Variants in DGCR2 observed in about 807,000 individuals in gnomAD.
The protein encoded by DGCR2 is DiGeorge syndrome critical region gene 2, also known as integral membrane protein DGCR2/IDD.
DGCR2 carries 24 observed loss-of-function variants against 51.6 expected under a neutral mutation model. That is an observed-to-expected ratio of 0.47 (90% CI 0.34 to 0.65). The LOEUF is 0.65. Ranked by LOEUF, DGCR2 falls within the 30% of genes least tolerant of loss-of-function variation. DGCR2 has a pLI of 0.01. For synonymous variants in DGCR2, 340 were observed against 315.4 expected (o/e 1.08, Z -0.82); for missense variants, 765 against 772.1 (o/e 0.99, Z 0.11).
chr22:19,088,106 G>A (rs1344552389), intron 2 of DGCR2, among the ~76,000 whole-genome samples: 2 of 152,124 alleles, frequency 1.3e-5, no homozygotes, highest in Admixed American at 1.3e-4. Context: ...CTAATACCCT[G>A]GTTGGAATGA....
chr22:19,044,566 G>A (rs1019077080), intron 7 of DGCR2, among the ~76,000 whole-genome samples: 10 of 152,214 alleles, frequency 6.6e-5, no homozygotes, highest in African/African-American at 2.2e-4. Flanking sequence ...GAACCTCATC[G>A]TATCAGGGCT....
intron 5 of DGCR2, among the ~76,000 whole-genome samples, chr22:19,062,775 G>GCTCTCTCTCT (rs1491258740): frequency 1.2e-4 from 13 of 108,950 alleles, no homozygotes; most frequent in East Asian, 2.9e-4. Flanking sequence ...ACACATGCAT[G>GCTCTCTCTCT]CTCACTCTCT....
At position 19,122,192 on chromosome 22, in the gene DGCR2, T is replaced by C. The variant is rs771968686; in HGVS notation, c.15A>G (p.Ala5=). Residue 5 remains alanine, a synonymous_variant, in exon 1 of 10, where the codon GCA becomes GCG. Coordinates refer to ENST00000263196, the MANE Select transcript of DGCR2 (RefSeq NM_005137.3). ...AGAGCAGCAGGAAGGCGCCGCTGTC[T>C]GCCTTGGGCACCATTTATCCTCCGT... MVPK[A]DSGAFLLLFL... 1.3e-6 allele frequency: 2 copies of C among 1,509,342 alleles called. No homozygotes were observed. The highest frequency in any genetic ancestry group is 2.2e-5 in the Admixed American group (1 of 46,458). The allele number at this position is 1,509,342 out of a possible 1,614,324, so 93.5% of individuals were successfully genotyped here. A position where few individuals can be genotyped will look rare whatever the true frequency, so the allele number is the denominator to read the frequency against.
chr22:19,040,903 G>A (rs918246658), intron 9 of DGCR2, among the ~76,000 whole-genome samples, 155 bp downstream of exon 9: 5 of 152,310 alleles, frequency 3.3e-5, no homozygotes, highest in South Asian at 2.1e-4. Flanking sequence ...CCTTCTGCAC[G>A]GGCAGCCCCA....
chr22:19,057,152 C>G lies in DGCR2; in HGVS notation c.636G>C (p.Glu212Asp), dbSNP rs551345973. 1 of 1,604,412 alleles carries G rather than the reference C, an allele frequency of 6.2e-7. No individual in the cohort carries two copies. The highest frequency in any genetic ancestry group is 8.5e-7 in the Non-Finnish European group (1 of 1,175,598). The part of the protein sequence containing the change: ...RWEVAFKGSS[E>D]VFLPPDPIFA... Reference sequence around the variant, plus strand: ...AGATGGGGTCTGGGGGCAGGAACACCTCTGAAGAGCCTGTTGGGGAGACAA... The same window carrying G: ...AGATGGGGTCTGGGGGCAGGAACACGTCTGAAGAGCCTGTTGGGGAGACAA... Residue 212 changes from glutamate to aspartate, a missense_variant, in exon 6 of 10, where the codon GAG becomes GAC. This residue lies in a region of DGCR2 where 370 missense variants were observed against 325.5 expected (regional missense o/e 1.14). Coordinates refer to ENST00000263196, the MANE Select transcript of DGCR2 (RefSeq NM_005137.3). This position sits in a 1 kb window ranked among gnomAD's most constrained non-coding sequence, Gnocchi z 5.1.
intron 2 of DGCR2, among the ~76,000 whole-genome samples, chr22:19,074,154 G>A (rs2145984255): frequency 6.6e-6 from 1 of 152,294 alleles, no homozygotes; most frequent in Non-Finnish European, 1.5e-5. Context: ...GGCTCGGCAC[G>A]GTGGCTCACG....
intron 6 of DGCR2, among the ~76,000 whole-genome samples, chr22:19,051,759 C>T (rs185065207): frequency 2.3e-3 from 349 of 152,128 alleles, no homozygotes; most frequent in African/African-American, 8.1e-3. Flanking sequence ...AAAGAGAAAA[C>T]GGAAGAATAA....
chr22:19,077,325 A>C (rs1256729242), intron 2 of DGCR2, among the ~76,000 whole-genome samples: 1 of 152,238 alleles, frequency 6.6e-6, no homozygotes, highest in Non-Finnish European at 1.5e-5. Context: ...TTAAGGTCTT[A>C]AATTTAAGCC....
Position 19,122,395 on chromosome 22 carries a change from T to C in DGCR2, c.-189A>G. The C allele has an allele frequency of 2.4e-6, 1 of 424,632 alleles. No individual in the cohort carries two copies. The highest frequency in any genetic ancestry group is 4.1e-6 in the Non-Finnish European group (1 of 241,238). 26.3% of individuals were successfully genotyped at this position (424,632 alleles called of 1,614,324 possible). A position where few individuals can be genotyped will look rare whatever the true frequency, so the allele number is the denominator to read the frequency against. On this transcript the variant is annotated 5_prime_UTR_variant, in exon 1 of 10. Coordinates refer to ENST00000263196, the MANE Select transcript of DGCR2 (RefSeq NM_005137.3). ...CTCGGCTGCAACCTCAGGCACCGAC[T>C]CCAGCTGCGCGCAAGATGGCGGCCG...
intron 2 of DGCR2, among the ~76,000 whole-genome samples, chr22:19,074,159 C>T (rs566431998): frequency 6.6e-6 from 1 of 152,258 alleles, no homozygotes; most frequent in African/African-American, 2.4e-5. Context: ...GGCACGGTGG[C>T]TCACGTCTGT....
intron 7 of DGCR2, chr22:19,046,835 T>TG (rs2082495432): frequency 2.9e-6 from 1 of 344,332 alleles, no homozygotes; most frequent in African/African-American, 2.1e-5. Flanking sequence ...AAGAAGTCCT[T>TG]GGGGCTGGGC....
chr22:19,076,723 C>CTTTTTTT (rs1228247995), intron 2 of DGCR2, among the ~76,000 whole-genome samples: 3 of 118,778 alleles, frequency 2.5e-5, no homozygotes, highest in African/African-American at 3.2e-5. Context: ...GTCCTTTGCA[C>CTTTTTTT]ATTTTTTTTT....
chr22:19,061,168 C>T, intron 5 of DGCR2: 1 of 222,512 alleles, frequency 4.5e-6, no homozygotes, highest in Non-Finnish European at 9.1e-6. Flanking sequence ...ACCTCAGACC[C>T]CAATGACCCC....
At chr22:19,088,533 G>C (rs2083043072) in intron 2 of DGCR2, among the ~76,000 whole-genome samples, 1 of 152,206 alleles carries the variant, frequency 6.6e-6, no homozygotes. Flanking sequence ...GATAAATCAG[G>C]TTGGCAAAGC....
chr22:19,103,701 T>A (rs1467058106), intron 1 of DGCR2, among the ~76,000 whole-genome samples: 2 of 138,302 alleles, frequency 1.4e-5, no homozygotes, highest in Admixed American at 1.5e-4. Context: ...GTGTTGGGAT[T>A]ACAGGCGTGA....
intron 1 of DGCR2, among the ~76,000 whole-genome samples, chr22:19,117,417 G>A (rs1233127599): frequency 2.6e-5 from 4 of 152,216 alleles, no homozygotes; most frequent in Non-Finnish European, 4.4e-5. Context: ...TAACTACAGG[G>A]CTTCCTGCAC....
chr22:19,080,494 A>G (rs2082924051), intron 2 of DGCR2, among the ~76,000 whole-genome samples: 1 of 152,156 alleles, frequency 6.6e-6, no homozygotes, highest in African/African-American at 2.4e-5. Context: ...TCTTCCTTCA[A>G]AACAGCCACA....
At chr22:19,039,654 G>C (rs970690097) in intron 9 of DGCR2, among the ~76,000 whole-genome samples, 1 of 152,198 alleles carries the variant, frequency 6.6e-6, no homozygotes, top group African/African-American at 2.4e-5. Flanking sequence ...AGGAAGCTCT[G>C]ATCCAAGGCA....
At position 19,102,552 on chromosome 22, in the gene DGCR2, A is replaced by G. The variant is rs531685049; in HGVS notation, c.80-13062T>C. Among the ~76,000 whole-genome samples, 384 of 152,220 alleles carry G rather than the reference A, an allele frequency of 2.5e-3. 2 individuals are homozygous for G. Among genetic ancestry groups the G allele is most frequent in the Non-Finnish European group, 4.4e-3 (298 of 68,000 alleles). On this transcript the variant is annotated intron_variant, in intron 1 of 9. Transcript: ENST00000263196. ...CCCATCTCTACTAAAAATACAAAAA[A>G]TTAGCCGGGCATGGTGGCGGGCACC... is the stretch of plus-strand genomic sequence containing the variant.
Sources: allele counts gnomAD v4.1 joint callset (sites outside exome capture counted in the v4.1 genomes callset), GRCh38; gene constraint gnomAD v4.1.1; regional missense constraint gnomAD v4.1.1; non-coding constraint Gnocchi (gnomAD v3.1); transcripts MANE v1.5; gene names NCBI Gene and HGNC (gene_info 2026-07-23, HGNC 2026-07-21).